VAMP2: variants seen among roughly 807,000 people sequenced by gnomAD.
VAMP2 encodes the protein vesicle-associated membrane protein 2.
For synonymous variants in VAMP2, 67 were observed against 57.3 expected (o/e 1.17, Z -0.76); for missense variants, 95 against 151.3 (o/e 0.63, Z 1.95).
At position 8,160,975 on chromosome 17, in the gene VAMP2, T is replaced by A. The variant is rs569941627; in HGVS notation, c.335-104A>T. 4.9e-6 allele frequency: 5 copies of A among 1,014,006 alleles called. No individual in the cohort carries two copies. In the African/African-American group the frequency reaches 8.0e-5, roughly 16 times the overall value. 62.8% of individuals were successfully genotyped at this position (1,014,006 alleles called of 1,614,324 possible). On this transcript the variant is annotated intron_variant, in intron 4 of 4. Transcript: ENST00000316509. ...CTGGCCCTGCTCCAATCCTCCCCACTCCCCAGCTGGCTGACACCCTCTCTT... is the reference window on the plus strand; with the variant it reads ...CTGGCCCTGCTCCAATCCTCCCCACACCCCAGCTGGCTGACACCCTCTCTT...
intron 1 of VAMP2, 74 bp from the exon 2 acceptor site, chr17:8,162,443 C>A: frequency 1.3e-6 from 2 of 1,577,392 alleles, no homozygotes; most frequent in South Asian, 1.1e-5. Flanking sequence ...CGCCCATCCA[C>A]CTGTCCATCC....
At chr17:8,161,272 T>A in intron 4 of VAMP2, 1 of 762,748 alleles carries the variant, frequency 1.3e-6, no homozygotes, top group Non-Finnish European at 2.1e-6. Flanking sequence ...TTTCCAAATG[T>A]TAACAAGACT....
chr17:8,160,379 TG>T lies in VAMP2; in HGVS notation c.*475del, dbSNP rs1397647972. 118 of 131,204 alleles carry T rather than the reference TG, an allele frequency of 9.0e-4. 1 individual carries two copies. Among genetic ancestry groups the T allele is most frequent in the Non-Finnish European group, 1.6e-3 (99 of 63,020 alleles). The allele number at this position is 131,204 out of a possible 1,614,324, so 8.1% of individuals were successfully genotyped here. A position where few individuals can be genotyped will look rare whatever the true frequency, so the allele number is the denominator to read the frequency against. On this transcript the variant is annotated 3_prime_UTR_variant, in exon 5 of 5. Transcript: ENST00000316509. The stretch of plus-strand genomic sequence containing the variant: ...CTAAGGAAGCCTGGACAGGTGCTGT[TG>T]TTTTTTTTTTTTTTTTTTTTTTTTT...
At position 8,160,756 on chromosome 17, in the gene VAMP2, C is replaced by T. The variant is rs1983285258; in HGVS notation, c.*99G>A. 7.5e-7 allele frequency: 1 copy of T among 1,333,626 alleles called. No individual in the cohort carries two copies. The highest frequency in any genetic ancestry group is 2.0e-5 in the Admixed American group (1 of 50,548). 82.6% of individuals were successfully genotyped at this position (1,333,626 alleles called of 1,614,324 possible). On this transcript the variant is annotated 3_prime_UTR_variant, in exon 5 of 5. Transcript: ENST00000316509. ...CACACGGACACACACACACACGGAT[C>T]CAGGGGAGTGGGGGCTGAAAGATAT...
At position 8,162,240 on chromosome 17, in the gene VAMP2, C is replaced by G. The variant is rs765676773; in HGVS notation, c.123+9G>C. The G allele has an allele frequency of 5.2e-6, 8 of 1,533,074 alleles. No homozygotes were observed. Among genetic ancestry groups the G allele is most frequent in the Non-Finnish European group, 7.0e-6 (8 of 1,144,940 alleles). The allele number at this position is 1,533,074 out of a possible 1,614,324, so 95.0% of individuals were successfully genotyped here. On this transcript the variant is annotated intron_variant, in intron 2 of 4. Transcript: ENST00000316509. Reference sequence around the variant, plus strand: ...CCCTCCTACTGCTTTTGACTCCCCCCACACTCACCTCATCCACCTGGGCCT... The same window carrying G: ...CCCTCCTACTGCTTTTGACTCCCCCGACACTCACCTCATCCACCTGGGCCT...
Position 8,161,602 on chromosome 17 carries a change from C to T in VAMP2, c.282+6G>A. 6.2e-7 allele frequency: 1 copy of T among 1,614,092 alleles called. No homozygotes were observed. The highest frequency in any genetic ancestry group is 1.1e-5 in the South Asian group (1 of 91,078). ...CACCTGTCCTCCTTCCTGTCCCCACCCTTACCTTGAGGTTTTTCCACCAGT... is the reference window on the plus strand; with the variant it reads ...CACCTGTCCTCCTTCCTGTCCCCACTCTTACCTTGAGGTTTTTCCACCAGT... On this transcript the variant is annotated splice_donor_region_variant and intron_variant, in intron 3 of 4. Coordinates refer to ENST00000316509, the MANE Select transcript of VAMP2 (RefSeq NM_014232.3).
rs11548689 is a variant in VAMP2, at chr17:8,162,301, G to T, written c.71C>A (p.Pro24Gln). ...AGEGGPPAPP[P>Q]NLTSNRRLQQ... Reference sequence around the variant, plus strand: ...CAGTCTCCTGTTACTGGTGAGGTTTGGAGGGGGTGCAGGGGGACCACCCTC... The same window carrying T: ...CAGTCTCCTGTTACTGGTGAGGTTTTGAGGGGGTGCAGGGGGACCACCCTC... Residue 24 changes from proline (P) to glutamine (Q), a missense_variant, in exon 2 of 5, where the codon CCA becomes CAA. Coordinates refer to ENST00000316509, the MANE Select transcript of VAMP2 (RefSeq NM_014232.3). The T allele has an allele frequency of 6.3e-7, 1 of 1,595,348 alleles. No individual in the cohort carries two copies. Among genetic ancestry groups the T allele is most frequent in the Non-Finnish European group, 8.5e-7 (1 of 1,173,694 alleles).
rs1390348076 is a variant in VAMP2, at chr17:8,160,268, T to C, written c.*587A>G. The C allele has an allele frequency of 6.6e-6, 1 of 152,150 alleles. No individual in the cohort carries two copies. The highest frequency in any genetic ancestry group is 6.6e-5 in the Admixed American group (1 of 15,186). The allele number at this position is 152,150 out of a possible 1,614,324, so 9.4% of individuals were successfully genotyped here. ...GTATGTAATGATACGCTAATTAACATGCTGGACGCTCCCAAAGACCTTGGG... is the reference window on the plus strand; with the variant it reads ...GTATGTAATGATACGCTAATTAACACGCTGGACGCTCCCAAAGACCTTGGG... On this transcript the variant is annotated 3_prime_UTR_variant, in exon 5 of 5. Transcript: ENST00000316509.
chr17:8,162,211 G>A (rs777294223), intron 2 of VAMP2, 38 bp downstream of exon 2: 3 of 1,503,422 alleles, frequency 2.0e-6, no homozygotes, highest in Admixed American at 2.4e-5. Flanking sequence ...CCAACCCCCA[G>A]GGTCCCTCCT....
Position 8,162,259 on chromosome 17 carries a change from T to G in VAMP2, c.113A>C (p.Gln38Pro). The change falls in exon 2 of 5, where the codon CAG (glutamine) becomes CCG (proline). Residue 38 changes from glutamine (Q) to proline (P), a missense_variant. By Grantham distance (76) the Gln-to-Pro change is moderately conservative. Transcript: ENST00000316509. ...TCCCCCCACACTCACCTCATCCACC[T>G]GGGCCTGGGTCTGCTGCAGTCTCCT... The part of the protein sequence containing the change: ...SNRRLQQTQA[Q>P]VDEVVDIMRV... 6.4e-7 allele frequency: 1 copy of G among 1,551,354 alleles called. No homozygotes were observed. The highest frequency in any genetic ancestry group is 8.7e-7 in the Non-Finnish European group (1 of 1,153,724).
At position 8,162,919 on chromosome 17, in the gene VAMP2, T is replaced by TGGG; in HGVS notation, c.-41_-40insCCC. 8.3e-7 allele frequency: 1 copy of TGGG among 1,207,044 alleles called. No individual in the cohort carries two copies. The highest frequency in any genetic ancestry group is 1.0e-6 in the Non-Finnish European group (1 of 972,008). 74.8% of individuals were successfully genotyped at this position (1,207,044 alleles called of 1,614,324 possible). Reference sequence around the variant, plus strand: ...GTGGAGGACTTGGCAGCGGCAGTGATGGCGGCGGCGGCTCGCGCTGGCTCC... The same window carrying TGGG: ...GTGGAGGACTTGGCAGCGGCAGTGATGGGGGCGGCGGCGGCTCGCGCTGGCTCC... On this transcript the variant is annotated 5_prime_UTR_variant, in exon 1 of 5. Transcript: ENST00000316509.
intron 4 of VAMP2, 105 bp from the exon 5 acceptor site, chr17:8,160,976 C>A: frequency 1.0e-6 from 1 of 991,210 alleles, no homozygotes; most frequent in Non-Finnish European, 1.5e-6. Context: ...CCTCCCCACT[C>A]CCCAGCTGGC....
rs1983214287 is a variant in VAMP2, at chr17:8,159,212, A to C, written c.*1643T>G. ...CTGGATGCGCCACAGAATTGGGGGC[A>C]TGGGGTGGGGGAAGAGGGGGGCAGG... On this transcript the variant is annotated 3_prime_UTR_variant, in exon 5 of 5. Coordinates refer to ENST00000316509, the MANE Select transcript of VAMP2 (RefSeq NM_014232.3). The C allele has an allele frequency of 9.3e-6, 1 of 107,380 alleles. No homozygotes were observed. The highest frequency in any genetic ancestry group is 1.9e-5 in the Non-Finnish European group (1 of 52,674). The allele number at this position is 107,380 out of a possible 1,614,324, so 6.7% of individuals were successfully genotyped here.
intron 2 of VAMP2, 82 bp from the exon 3 acceptor site, chr17:8,161,848 C>T: frequency 6.4e-7 from 1 of 1,554,418 alleles, no homozygotes; most frequent in Non-Finnish European, 8.7e-7. Flanking sequence ...GCCCACCGTG[C>T]CACACATGGA....
intron 4 of VAMP2, 92 bp downstream of exon 4, chr17:8,161,381 G>C: frequency 6.6e-7 from 1 of 1,516,908 alleles, no homozygotes; most frequent in Non-Finnish European, 8.9e-7. Flanking sequence ...TTTGGCTGAA[G>C]AGTAAAAACT....
chr17:8,161,860 C>G, intron 2 of VAMP2, 94 bp from the exon 3 acceptor site: 2 of 1,533,934 alleles, frequency 1.3e-6, no homozygotes, highest in Middle Eastern at 2.2e-4. Context: ...ACACATGGAA[C>G]ATGCACCCTG....
rs1322267050 is a variant in VAMP2 at position 8,160,706 on chromosome 17, A to G, written c.*149T>C. The G allele has an allele frequency of 3.6e-6, 2 of 552,180 alleles. No individual in the cohort carries two copies. The highest frequency in any genetic ancestry group is 3.8e-5 in the African/African-American group (2 of 52,732). The allele number at this position is 552,180 out of a possible 1,614,324, so 34.2% of individuals were successfully genotyped here. On this transcript the variant is annotated 3_prime_UTR_variant, in exon 5 of 5. Transcript: ENST00000316509. ...ATAATATTATATATGTATAAATAAC[A>G]GCTGGCTATTTACAGGGGGACACAC...
At position 8,160,375 on chromosome 17, in the gene VAMP2, C is replaced by CTGT. The variant is rs1339743302; in HGVS notation, c.*477_*479dup. ...GTACCTAAGGAAGCCTGGACAGGTG[C>CTGT]TGTTGTTTTTTTTTTTTTTTTTTTT... is the stretch of plus-strand genomic sequence containing the variant. On this transcript the variant is annotated 3_prime_UTR_variant, in exon 5 of 5. Transcript: ENST00000316509. The CTGT allele has an allele frequency of 8.1e-4, 38 of 46,852 alleles. No homozygotes were observed. Among genetic ancestry groups the CTGT allele is most frequent in the Non-Finnish European group, 1.4e-3 (30 of 21,686 alleles). 2.9% of individuals were successfully genotyped at this position (46,852 alleles called of 1,614,324 possible). A position where few individuals can be genotyped will look rare whatever the true frequency, so the allele number is the denominator to read the frequency against.
Position 8,162,811 on chromosome 17 carries a change from C to T in VAMP2, c.2+67G>A, listed in dbSNP as rs561502498. On this transcript the variant is annotated intron_variant, in intron 1 of 4. Coordinates refer to ENST00000316509, the MANE Select transcript of VAMP2 (RefSeq NM_014232.3). ...CAGGAGAGACCCCGGGCACTCCCGACGGCCGGTTGCCAAGGGCGGCGGCCG... is the reference window on the plus strand; with the variant it reads ...CAGGAGAGACCCCGGGCACTCCCGATGGCCGGTTGCCAAGGGCGGCGGCCG... The T allele has an allele frequency of 2.8e-4, 341 of 1,215,270 alleles. 3 individuals carry two copies. The African/African-American group carries it at 4.6e-3, about 16-fold the overall frequency. The allele number at this position is 1,215,270 out of a possible 1,614,324, so 75.3% of individuals were successfully genotyped here.
Sources: allele counts gnomAD v4.1 joint callset, GRCh38; gene constraint gnomAD v4.1.1; transcripts MANE v1.5; gene names NCBI Gene and HGNC (gene_info 2026-07-23, HGNC 2026-07-21).